Variants in ERMAP observed in about 807,000 individuals in gnomAD.
ERMAP encodes erythroblast membrane associated protein (Scianna blood group).
A neutral mutation model predicts 49.5 loss-of-function variants in ERMAP; 34 were observed. The ratio of observed to expected loss-of-function variants is 0.69; its 90% confidence interval spans 0.52 to 0.91. The LOEUF (loss-of-function observed/expected upper bound fraction) is 0.91, where lower values mean the gene tolerates loss of function less well. ERMAP is among the 40% of genes least tolerant of loss of function. The probability of loss-of-function intolerance (pLI) is 0.00; values close to 1 mark genes in which losing one functional copy is unlikely to be tolerated. For synonymous variants in ERMAP, 214 were observed against 232.2 expected (o/e 0.92, Z 0.71); for missense variants, 541 against 582.6 (o/e 0.93, Z 0.74).
intron 1 of ERMAP, among the ~76,000 whole-genome samples, chr1:42,820,880 GC>G (rs1331875326): frequency 6.6e-6 from 1 of 152,146 alleles, no homozygotes; most frequent in Non-Finnish European, 1.5e-5. Context: ...TTGAGTATCA[GC>G]CCCTATTTTA....
At chr1:42,831,973 T>C (rs917064396) in intron 4 of ERMAP, among the ~76,000 whole-genome samples, 3 of 152,102 alleles carry the variant, frequency 2.0e-5, no homozygotes, top group Non-Finnish European at 2.9e-5. Flanking sequence ...AAAATCAGTC[T>C]ACCAAACCAA....
At position 42,840,043 on chromosome 1, in the gene ERMAP, G is replaced by T. The variant is rs368569957; in HGVS notation, c.648G>T (p.Arg216=). 6.2e-6 allele frequency: 10 copies of T among 1,614,054 alleles called. No individual in the cohort carries two copies. The highest frequency in any genetic ancestry group is 7.6e-6 in the Non-Finnish European group (9 of 1,180,036). Residue 216 remains arginine (R), a synonymous_variant, in exon 9 of 12, where the codon CGG becomes CGT. Coordinates refer to ENST00000372517, the MANE Select transcript of ERMAP (RefSeq NM_001017922.2). ...GTTTTCATTCTTTAGAGAAACTCCG[G>T]AGTGAACTGAGTAAGTTTCCCATGT... The part of the protein sequence containing the change: ...GKLHKAVKKL[R]SELKLKRAAA...
In ERMAP at chr1:42,830,612, CATT is replaced by C. The variant is rs1168174302; in HGVS notation, c.85+82_85+84del. ...CAGAATAAGGAAGCTTGGCTGGAAACATTATGTCTTTTGGGGTTCTGTTCCCCC... is the reference window on the plus strand; with the variant it reads ...CAGAATAAGGAAGCTTGGCTGGAAACATGTCTTTTGGGGTTCTGTTCCCCC... On this transcript the variant is annotated intron_variant, in intron 3 of 11. Coordinates refer to ENST00000372517, the MANE Select transcript of ERMAP (RefSeq NM_001017922.2). 6 of 1,537,474 alleles carry C rather than the reference CATT, an allele frequency of 3.9e-6. No individual in the cohort carries two copies. In the East Asian group the frequency reaches 9.0e-5, roughly 23 times the overall value.
At chr1:42,824,683 A>G (rs1230166202) in intron 1 of ERMAP, 2 of 152,260 alleles carry the variant, frequency 1.3e-5, no homozygotes, top group South Asian at 2.1e-4. Context: ...ACTTACCACT[A>G]TGAACCACCG....
At chr1:42,835,270 G>A (rs1161012256) in intron 5 of ERMAP, 116 bp downstream of exon 5, 3 of 689,298 alleles carry the variant, frequency 4.4e-6, no homozygotes, top group Admixed American at 2.1e-5. Flanking sequence ...TGGGGACACT[G>A]CAAGTTGGCT....
At chr1:42,839,004 G>A in intron 8 of ERMAP, 83 bp downstream of exon 8, 1 of 1,609,116 alleles carries the variant, frequency 6.2e-7, no homozygotes. Flanking sequence ...TTCACTTCCT[G>A]GGGCAGAAGG....
chr1:42,839,698 C>T, intron 8 of ERMAP: 1 of 425,594 alleles, frequency 2.3e-6, no homozygotes, highest in East Asian at 4.0e-5. Context: ...TCACAAAGTC[C>T]AATACTCAGT....
Position 42,835,022 on chromosome 1 carries a change from G to A in ERMAP, c.434-16G>A, listed in dbSNP as rs1463632188. 2.9e-6 allele frequency: 3 copies of A among 1,028,284 alleles called. No individual in the cohort carries two copies. The highest frequency in any genetic ancestry group is 4.7e-6 in the Non-Finnish European group (3 of 644,868). 63.7% of individuals were successfully genotyped at this position (1,028,284 alleles called of 1,614,324 possible). A position where few individuals can be genotyped will look rare whatever the true frequency, so the allele number is the denominator to read the frequency against. On this transcript the variant is annotated splice_polypyrimidine_tract_variant and intron_variant, in intron 4 of 11. Coordinates refer to ENST00000372517, the MANE Select transcript of ERMAP (RefSeq NM_001017922.2). ...GACATCTCCCTGAGGTCAGTCGTTGGTGGTTTCTGTTTCAGCCCCATCTGT... is the reference window on the plus strand; with the variant it reads ...GACATCTCCCTGAGGTCAGTCGTTGATGGTTTCTGTTTCAGCCCCATCTGT...
At chr1:42,838,815 G>A in intron 7 of ERMAP, 86 bp from the exon 8 acceptor site, 1 of 1,591,380 alleles carries the variant, frequency 6.3e-7, no homozygotes, top group Non-Finnish European at 8.6e-7. Flanking sequence ...TTAATCTTGT[G>A]GGTTGGAGTG....
intron 2 of ERMAP, among the ~76,000 whole-genome samples, chr1:42,828,758 G>A (rs529473751): frequency 8.5e-5 from 13 of 152,126 alleles, no homozygotes; most frequent in African/African-American, 2.9e-4. Flanking sequence ...TTGGCCTCCC[G>A]AAAGTGCAGG....
rs1655109023 is a variant in ERMAP, at chr1:42,842,947, T to C, written c.1143T>C (p.Phe381=). ...FYNVTNKSHI[F]TFTHNFSGPL... is the part of the protein sequence containing the mutation. ...ATGTGACCAACAAGTCCCACATCTTTACTTTCACCCACAATTTCTCTGGCC... is the reference window on the plus strand; with the variant it reads ...ATGTGACCAACAAGTCCCACATCTTCACTTTCACCCACAATTTCTCTGGCC... The change falls in exon 12 of 12, where the codon TTT becomes TTC. Residue 381 remains phenylalanine (F), a synonymous_variant. Coordinates refer to ENST00000372517, the MANE Select transcript of ERMAP (RefSeq NM_001017922.2). 6.2e-7 allele frequency: 1 copy of C among 1,614,124 alleles called. No homozygotes were observed. Among genetic ancestry groups the C allele is most frequent in the African/African-American group, 1.3e-5 (1 of 74,938 alleles).
rs115196513 is a variant in ERMAP at position 42,840,414 on chromosome 1, A to C, written c.712+118A>C. The C allele has an allele frequency of 6.7e-3, 7,957 of 1,192,132 alleles. 63 individuals carry two copies. Among genetic ancestry groups the C allele is most frequent in the Admixed American group, 0.027 (1,381 of 50,260 alleles). The allele number at this position is 1,192,132 out of a possible 1,614,324, so 73.8% of individuals were successfully genotyped here. On this transcript the variant is annotated intron_variant, in intron 11 of 11. Coordinates refer to ENST00000372517, the MANE Select transcript of ERMAP (RefSeq NM_001017922.2). ...AGGTAATTTAAAAATTTTTAAATCA[A>C]ATCTGTATATCTGACTATCAAATTA...
rs1166291122 is a variant in ERMAP at position 42,831,013 on chromosome 1, C to G, written c.331C>G (p.Leu111Val). 17 of 1,614,106 alleles carry G rather than the reference C, an allele frequency of 1.1e-5. No individual in the cohort carries two copies. Among genetic ancestry groups the G allele is most frequent in the Non-Finnish European group, 1.4e-5 (16 of 1,180,038 alleles). Residue 111 changes from leucine (L) to valine (V), a missense_variant, in exon 4 of 12, where the codon CTG becomes GTG. Coordinates refer to ENST00000372517, the MANE Select transcript of ERMAP (RefSeq NM_001017922.2). ...AGATGCCCAAGAGGGAAGTGTCACT[C>G]TGCAGATCCTTGACGTGCGCCTTGA... is the stretch of plus-strand genomic sequence containing the variant. ...VRDAQEGSVTLQILDVRLEDQ... is the reference protein window; with the variant it reads ...VRDAQEGSVTVQILDVRLEDQ...
chr1:42,840,367 T>G, intron 11 of ERMAP, 71 bp downstream of exon 11: 1 of 1,591,940 alleles, frequency 6.3e-7, no homozygotes, highest in Non-Finnish European at 8.6e-7. Flanking sequence ...ACCTTAGATT[T>G]TGTTCCATTC....
At position 42,835,724 on chromosome 1, in the gene ERMAP, C is replaced by G; in HGVS notation, c.551-8C>G. On this transcript the variant is annotated splice_region_variant and splice_polypyrimidine_tract_variant and intron_variant, in intron 5 of 11. Transcript: ENST00000372517. ...TAAGCTGAGCTGGCATTTCTCTCTC[C>G]CTTTTAGAAAAGCTTCTCTATGAAC... 1 of 1,611,252 alleles carries G rather than the reference C, an allele frequency of 6.2e-7. No homozygotes were observed. The highest frequency in any genetic ancestry group is 8.5e-7 in the Non-Finnish European group (1 of 1,178,822).
Position 42,830,730 on chromosome 1 carries a change from C to T in ERMAP, c.86-38C>T, listed in dbSNP as rs565545614. 85 of 1,487,374 alleles carry T rather than the reference C, an allele frequency of 5.7e-5. No homozygotes were observed. The Admixed American group carries it at 1.5e-3, about 26-fold the overall frequency. The allele number at this position is 1,487,374 out of a possible 1,614,324, so 92.1% of individuals were successfully genotyped here. On this transcript the variant is annotated intron_variant, in intron 3 of 11. Transcript: ENST00000372517. The stretch of plus-strand genomic sequence containing the variant: ...CATCCCTTCCCAAGCTTTCTCCTGC[C>T]GTCCCTCCCAGTTGGCCTTGTCTCT...
At chr1:42,834,367 G>C (rs557912520) in intron 4 of ERMAP, among the ~76,000 whole-genome samples, 2 of 152,294 alleles carry the variant, frequency 1.3e-5, no homozygotes, top group East Asian at 3.9e-4. Flanking sequence ...ACAGGCAGGT[G>C]CTCCTGGGAA....
intron 2 of ERMAP, 166 bp from the exon 3 acceptor site, chr1:42,830,278 C>T: frequency 1.6e-6 from 1 of 610,884 alleles, no homozygotes; most frequent in Non-Finnish European, 2.9e-6. Context: ...CAGAGAAGTT[C>T]GGTCACAGTA....
intron 4 of ERMAP, among the ~76,000 whole-genome samples, chr1:42,834,322 C>T (rs1040067065): frequency 6.6e-6 from 1 of 152,216 alleles, no homozygotes; most frequent in African/African-American, 2.4e-5. Context: ...TTGCTGCCTG[C>T]TCTTCTAGAG....
Sources: allele counts gnomAD v4.1 joint callset (sites outside exome capture counted in the v4.1 genomes callset), GRCh38; gene constraint gnomAD v4.1.1; transcripts MANE v1.5; gene names NCBI Gene and HGNC (gene_info 2026-07-23, HGNC 2026-07-21).